The following TLK1 variants were observed in gnomAD, a reference collection of about 807,000 sequenced individuals.
The protein encoded by TLK1 is tousled like kinase 1.
In TLK1, 24 loss-of-function variants were observed where a neutral mutation model predicts 105.3. That is an observed-to-expected ratio of 0.23 (90% CI 0.17 to 0.32). The LOEUF is 0.32. Ranked by LOEUF, TLK1 falls within the 10% of genes least tolerant of loss-of-function variation. The probability of loss-of-function intolerance (pLI) is 1.00; values close to 1 mark genes in which losing one functional copy is unlikely to be tolerated. For synonymous variants in TLK1, 321 were observed against 310.4 expected (o/e 1.03, Z -0.36); for missense variants, 558 against 910.5 (o/e 0.61, Z 4.98).
intron 2 of TLK1, among the ~76,000 whole-genome samples, chr2:171,116,838 G>C (rs562498335): frequency 2.2e-4 from 34 of 152,154 alleles, no homozygotes; most frequent in Non-Finnish European, 4.6e-4. Context: ...CATGCACTCC[G>C]CTGAAAATGC....
intron 8 of TLK1, among the ~76,000 whole-genome samples, chr2:171,051,166 C>T (rs1687219619): frequency 6.6e-6 from 1 of 152,064 alleles, no homozygotes. Context: ...AACTTGAAAC[C>T]TGATTCTAAA....
At chr2:171,034,353 CAATG>C (rs1446024207) in intron 11 of TLK1, among the ~76,000 whole-genome samples, 1 of 152,046 alleles carries the variant, frequency 6.6e-6, no homozygotes, top group Admixed American at 6.5e-5. Flanking sequence ...AAATGTCCAT[CAATG>C]AATGAATGAA....
chr2:171,045,430 CTGAG>C (rs1234934705), intron 11 of TLK1: 4 of 136,368 alleles, frequency 2.9e-5, no homozygotes, highest in Non-Finnish European at 6.3e-5. Flanking sequence ...GGGTTTCTCT[CTGAG>C]AATTTACTGA....
chr2:171,165,220 A>G (rs1692585326), upstream of TLK1, among the ~76,000 whole-genome samples: 1 of 152,230 alleles, frequency 6.6e-6, no homozygotes, highest in African/African-American at 2.4e-5. Context: ...AGAAAGAATC[A>G]GGAAGAGACT....
At chr2:171,152,378 C>G (rs1377382938) in intron 1 of TLK1, among the ~76,000 whole-genome samples, 1 of 152,098 alleles carries the variant, frequency 6.6e-6, no homozygotes, top group Non-Finnish European at 1.5e-5. Context: ...AAATTTAATT[C>G]AAGTTTGACA....
intron 1 of TLK1, among the ~76,000 whole-genome samples, chr2:171,127,326 A>T (rs1690913544): frequency 3.3e-5 from 5 of 151,936 alleles, no homozygotes. Flanking sequence ...TATATTGTAT[A>T]ACACTGGAAT....
intron 11 of TLK1, among the ~76,000 whole-genome samples, chr2:171,041,675 C>T (rs1686684129): frequency 6.6e-6 from 1 of 152,146 alleles, no homozygotes; most frequent in Non-Finnish European, 1.5e-5. Flanking sequence ...AAAGCCATCC[C>T]CCAGCCCCCA....
intron 1 of TLK1, among the ~76,000 whole-genome samples, chr2:171,182,867 A>G (rs1355914546): frequency 6.7e-6 from 1 of 150,154 alleles, no homozygotes; most frequent in African/African-American, 2.5e-5. Context: ...GGATGCAGAG[A>G]GCTATGATTA....
intron 2 of TLK1, among the ~76,000 whole-genome samples, chr2:171,088,148 T>C (rs1044136539): frequency 6.6e-6 from 1 of 151,782 alleles, no homozygotes; most frequent in Admixed American, 6.6e-5. Context: ...CTGGGCAACA[T>C]GGTGAAACCC....
intron 13 of TLK1, among the ~76,000 whole-genome samples, chr2:171,012,373 G>T (rs1008864094): frequency 6.6e-6 from 1 of 152,074 alleles, no homozygotes; most frequent in Non-Finnish European, 1.5e-5. Context: ...TAAGTAACTT[G>T]CTTAACAGCT....
Position 171,189,443 on chromosome 2 carries a change from T to G in TLK1, c.-6+41702A>C, listed in dbSNP as rs529601941. 2.1e-4 allele frequency among the ~76,000 whole-genome samples: 32 copies of G among 152,232 alleles called. 2 individuals carry two copies. The highest frequency in any genetic ancestry group is 7.0e-4 in the African/African-American group (29 of 41,552). On this transcript the variant is annotated intron_variant, in intron 1 of 20. Transcript: ENST00000521943. ...GCCTGCCAAAGTGCTGGGATTATGATAGTACAATTTTAATATTTCAAATAT... is the reference window on the plus strand; with the variant it reads ...GCCTGCCAAAGTGCTGGGATTATGAGAGTACAATTTTAATATTTCAAATAT...
intron 2 of TLK1, among the ~76,000 whole-genome samples, chr2:171,107,114 G>C (rs1689963546): frequency 6.6e-6 from 1 of 152,184 alleles, no homozygotes; most frequent in African/African-American, 2.4e-5. Flanking sequence ...TTGTCTAGCA[G>C]TGTCCCAGGA....
chr2:171,181,002 C>T (rs1414778781), intron 1 of TLK1, among the ~76,000 whole-genome samples: 1 of 152,028 alleles, frequency 6.6e-6, no homozygotes, highest in Non-Finnish European at 1.5e-5. Context: ...CAGATTCATT[C>T]TGTAAAAAGC....
chr2:171,159,870 G>A (rs1375751053), intron 1 of TLK1: 2 of 160,278 alleles, frequency 1.2e-5, no homozygotes, highest in African/African-American at 4.8e-5. Context: ...GAAGGGGAGG[G>A]GGCTCGAGGA....
At chr2:171,197,273 A>G (rs1693293236) in intron 1 of TLK1, among the ~76,000 whole-genome samples, 1 of 152,194 alleles carries the variant, frequency 6.6e-6, no homozygotes, top group Admixed American at 6.5e-5. Flanking sequence ...ATATGAAAAG[A>G]TTTCTTATTT....
At chr2:171,211,159 A>G (rs1238898709) in intron 1 of TLK1, among the ~76,000 whole-genome samples, 1 of 152,242 alleles carries the variant, frequency 6.6e-6, no homozygotes, top group Non-Finnish European at 1.5e-5. Flanking sequence ...TCAACAATTC[A>G]GAGACCTCGA....
intron 13 of TLK1, among the ~76,000 whole-genome samples, chr2:171,013,319 T>TA (rs1685017331): frequency 1.5e-5 from 1 of 65,074 alleles, no homozygotes; most frequent in African/African-American, 6.7e-5. Flanking sequence ...GGCCCCTCAC[T>TA]TTTTTTTTTT....
chr2:171,104,608 G>A (rs1394399004), intron 2 of TLK1, among the ~76,000 whole-genome samples: 1 of 152,112 alleles, frequency 6.6e-6, no homozygotes, highest in Non-Finnish European at 1.5e-5. Flanking sequence ...GCAATACAGA[G>A]CTAAAAGAAT....
At chr2:171,002,739 G>A (rs1684442619) in intron 18 of TLK1, among the ~76,000 whole-genome samples, 1 of 152,094 alleles carries the variant, frequency 6.6e-6, no homozygotes, top group Admixed American at 6.5e-5. Flanking sequence ...CTCAAGCGAT[G>A]ATCCTCTTGT....
Sources: allele counts gnomAD v4.1 joint callset (sites outside exome capture counted in the v4.1 genomes callset), GRCh38; gene constraint gnomAD v4.1.1; transcripts MANE v1.5; gene names NCBI Gene and HGNC (gene_info 2026-07-23, HGNC 2026-07-21).